Variants in CDH4 observed in about 807,000 individuals in gnomAD.
CDH4 encodes the protein cadherin 4, also known as cadherin-4.
In CDH4, 33 loss-of-function variants were observed where a neutral mutation model predicts 86.0. That is an observed-to-expected ratio of 0.38 (90% CI 0.29 to 0.51). CDH4 has a LOEUF of 0.51. Ranked by LOEUF, CDH4 falls within the 20% of genes least tolerant of loss-of-function variation. The probability of loss-of-function intolerance (pLI) is 0.86; values close to 1 mark genes in which losing one functional copy is unlikely to be tolerated. For missense variants in CDH4, 1,114 were observed against 1,307.4 expected (o/e 0.85, Z 2.28); for synonymous variants, 555 against 549.4 (o/e 1.01, Z -0.14).
rs142787541 is a variant in CDH4 at position 61,300,623 on chromosome 20, C to T, written c.169+45686C>T. On this transcript the variant is annotated intron_variant, in intron 2 of 15. Transcript: ENST00000614565. The stretch of plus-strand genomic sequence containing the variant: ...TTGGACCCGTCTCCCGGGTCTGTGT[C>T]CCCTCTGTCCAGTGTTCCTCCTGCC... Among the ~76,000 whole-genome samples, 10 of 152,288 alleles carry T rather than the reference C, an allele frequency of 6.6e-5. No individual in the cohort carries two copies. In the East Asian group the frequency reaches 1.9e-3, roughly 30 times the overall value.
At chr20:61,788,097 G>A (rs1978978817) in intron 4 of CDH4, among the ~76,000 whole-genome samples, 1 of 152,172 alleles carries the variant, frequency 6.6e-6, no homozygotes, top group African/African-American at 2.4e-5. Flanking sequence ...GCAGGAGGCA[G>A]CTTCTCAACC....
chr20:61,288,630 A>G (rs986553146), intron 2 of CDH4, among the ~76,000 whole-genome samples: 4 of 152,220 alleles, frequency 2.6e-5, no homozygotes, highest in Admixed American at 1.3e-4. Flanking sequence ...CCACGGGGCC[A>G]GGCAGCCCTC....
chr20:61,402,116 C>T (rs1892322), intron 2 of CDH4, among the ~76,000 whole-genome samples: 76,135 of 151,582 alleles, frequency 0.5, 20,101 homozygotes, highest in African/African-American at 0.67. Context: ...TGCACAGAGC[C>T]GCTGTCTTAA....
chr20:61,456,435 G>C (rs1458043448), intron 2 of CDH4, among the ~76,000 whole-genome samples: 1 of 152,148 alleles, frequency 6.6e-6, no homozygotes, highest in Non-Finnish European at 1.5e-5. Flanking sequence ...GATATTTTTA[G>C]TTTTCACAAA....
intron 7 of CDH4, 131 bp from the exon 8 acceptor site, chr20:61,894,779 C>T: frequency 1.0e-6 from 1 of 1,003,318 alleles, no homozygotes; most frequent in Non-Finnish European, 1.5e-6. Context: ...GCGCCCAGCA[C>T]ACAGCCCCCA....
rs78919960 is a variant in CDH4 at position 61,793,423 on chromosome 20, A to G, written c.576+20241A>G. Among the ~76,000 whole-genome samples the G allele has an allele frequency of 7.1e-3, 1,088 of 152,340 alleles. 15 individuals carry two copies. Among genetic ancestry groups the G allele is most frequent in the African/African-American group, 0.025 (1,027 of 41,568 alleles). On this transcript the variant is annotated intron_variant, in intron 4 of 15. Transcript: ENST00000614565. The stretch of plus-strand genomic sequence containing the variant: ...TGGAAGAGGCAACTGGGAAAGAAAA[A>G]TTTTAAAAAGGCTCTGGGGGCTAGG...
intron 11 of CDH4, among the ~76,000 whole-genome samples, chr20:61,926,601 C>T (rs1015752205): frequency 2.0e-5 from 3 of 152,112 alleles, no homozygotes; most frequent in South Asian, 2.1e-4. Flanking sequence ...GGCCAGGCCC[C>T]GTGGCTCACA....
chr20:61,511,663 A>T (rs192742204), intron 2 of CDH4, among the ~76,000 whole-genome samples: 190 of 152,342 alleles, frequency 1.2e-3, no homozygotes, highest in African/African-American at 4.2e-3. Flanking sequence ...CGTTTTCTAG[A>T]TGGAGAAAGA....
At chr20:61,849,843 T>C (rs537322320) in intron 5 of CDH4, among the ~76,000 whole-genome samples, 4 of 152,264 alleles carry the variant, frequency 2.6e-5, no homozygotes, top group Admixed American at 2.6e-4. Context: ...AGCCCTGTCT[T>C]AAGGTCAAAA....
In CDH4 at chr20:61,352,592, CT is replaced by C. The variant is rs141604604; in HGVS notation, c.169+97658del. Among the ~76,000 whole-genome samples the C allele has an allele frequency of 3.9e-3, 601 of 152,294 alleles. 1 individual carries two copies. The highest frequency in any genetic ancestry group is 0.01 in the Middle Eastern group (3 of 294). On this transcript the variant is annotated intron_variant, in intron 2 of 15. Transcript: ENST00000614565. ...CTGACCTGGTGGAAAGAAAACAAAG[CT>C]TTGTATTTTGTTTTGATTTCTATCG...
At chr20:61,901,197 T>TGAGCAG (rs76046588) in intron 8 of CDH4, among the ~76,000 whole-genome samples, 113,849 of 148,440 alleles carry the variant, frequency 0.77, 45,301 homozygotes, top group Non-Finnish European at 0.88. Flanking sequence ...GGTATTGCAG[T>TGAGCAG]GAGCAGGAGC....
chr20:61,646,313 T>C (rs563637452), intron 2 of CDH4, among the ~76,000 whole-genome samples: 148 of 152,212 alleles, frequency 9.7e-4, no homozygotes, highest in African/African-American at 3.4e-3. Context: ...CCATCTTCCG[T>C]GAGTGTTTAT....
At chr20:61,634,389 C>T (rs2086925777) in intron 2 of CDH4, among the ~76,000 whole-genome samples, 1 of 152,304 alleles carries the variant, frequency 6.6e-6, no homozygotes, top group South Asian at 2.1e-4. Context: ...CCTAACACCA[C>T]GACAGCTCAG....
intron 9 of CDH4, among the ~76,000 whole-genome samples, chr20:61,918,376 C>A (rs1214209842): frequency 1.3e-5 from 2 of 152,178 alleles, no homozygotes; most frequent in African/African-American, 4.8e-5. Context: ...TGGGCCTGGG[C>A]AGTGGTGGTG....
intron 2 of CDH4, among the ~76,000 whole-genome samples, chr20:61,515,852 C>T (rs2085815110): frequency 6.6e-6 from 1 of 152,182 alleles, no homozygotes; most frequent in Admixed American, 6.5e-5. Flanking sequence ...CTCTTGTTCT[C>T]TCGCTCTTTC....
intron 4 of CDH4, among the ~76,000 whole-genome samples, chr20:61,841,766 TGC>T (rs1982186717): frequency 6.7e-6 from 1 of 150,010 alleles, no homozygotes; most frequent in African/African-American, 2.5e-5. Flanking sequence ...TGTGTGTGTG[TGC>T]GCGCGTGCGC....
At chr20:61,265,156 G>T (rs2084150642) in intron 2 of CDH4, among the ~76,000 whole-genome samples, 1 of 150,062 alleles carries the variant, frequency 6.7e-6, no homozygotes, top group African/African-American at 2.5e-5. Flanking sequence ...TAACTCAGTG[G>T]TTCCTTCATT....
chr20:61,648,768 G>A (rs576028733), intron 2 of CDH4, among the ~76,000 whole-genome samples: 36 of 152,226 alleles, frequency 2.4e-4, no homozygotes, highest in African/African-American at 8.2e-4. Flanking sequence ...TGTGTTACGG[G>A]GATAGCAATG....
At chr20:61,797,782 G>A (rs950715601) in intron 4 of CDH4, among the ~76,000 whole-genome samples, 9 of 152,106 alleles carry the variant, frequency 5.9e-5, no homozygotes, top group Admixed American at 2.0e-4. Flanking sequence ...GTGAGACCCC[G>A]TCTCTACAAA....
Sources: gnomAD v4.1 joint callset for allele counts (sites outside exome capture counted in the v4.1 genomes callset) on GRCh38, gnomAD v4.1.1 for gene constraint, MANE v1.5 for transcripts, NCBI Gene and HGNC (gene_info 2026-07-23, HGNC 2026-07-21) for gene names.